Variants in CORO1C observed in about 807,000 individuals in gnomAD.
CORO1C encodes the protein coronin 1C, also known as coronin-1C.
In CORO1C, 14 loss-of-function variants were observed where a neutral mutation model predicts 51.2. The ratio of observed to expected loss-of-function variants is 0.27; its 90% CI spans 0.18 to 0.43. The LOEUF (loss-of-function observed/expected upper bound fraction) is 0.43. Among genes scored for constraint, CORO1C ranks in the 20% least tolerant of loss-of-function variants. CORO1C has a pLI of 1.00. For synonymous variants in CORO1C, 181 were observed against 210.5 expected, an observed-to-expected ratio of 0.86 and a Z score of 1.21; for missense variants, 417 against 607.8, an observed-to-expected ratio of 0.69 and a Z score of 3.30.
intron 3 of CORO1C, among the ~76,000 whole-genome samples, chr12:108,675,885 C>A (rs964959797): frequency 1.3e-5 from 2 of 152,210 alleles, no homozygotes; most frequent in African/African-American, 2.4e-5. Context: ...CAGGTTCCAG[C>A]TGCCAATTTG....
intron 3 of CORO1C, among the ~76,000 whole-genome samples, chr12:108,665,772 G>C (rs2033452559): frequency 6.6e-6 from 1 of 152,220 alleles, no homozygotes; most frequent in Non-Finnish European, 1.5e-5. Flanking sequence ...ACAGTACACA[G>C]CAGGGCTGAG....
rs1386317335 is a variant in CORO1C at position 108,658,794 on chromosome 12, C to T, written c.574G>A (p.Ala192Thr). The T allele has an allele frequency of 5.6e-6, 9 of 1,613,054 alleles. No homozygotes were observed. The highest frequency in any genetic ancestry group is 1.6e-4 in the Middle Eastern group (1 of 6,080). ...ACTCTCACTTTCTTGTCTTTGGAAG[C>T]TGTGCAGATCAGACTGCCATTCCGG... ...WNRNGSLICT[A>T]SKDKKVRVID... Residue 192 changes from alanine to threonine, a missense_variant, in exon 5 of 11, where the codon GCT (alanine) becomes ACT (threonine). Physicochemically the swap from Ala to Thr is moderately conservative, Grantham distance 58 (BLOSUM62 0). Coordinates refer to ENST00000261401, the MANE Select transcript of CORO1C (RefSeq NM_014325.4). The surrounding 1 kb of genome is among the most constrained non-coding windows in gnomAD (Gnocchi z 4.9).
At chr12:108,726,835 G>C (rs2035605326) in intron 1 of CORO1C, among the ~76,000 whole-genome samples, 1 of 152,150 alleles carries the variant, frequency 6.6e-6, no homozygotes, top group African/African-American at 2.4e-5. Context: ...TGAGGAGACT[G>C]TGCGCCAGTC....
chr12:108,662,122 G>C lies in CORO1C; in HGVS notation c.355C>G (p.Leu119Val), dbSNP rs764648940. The C allele has an allele frequency of 1.1e-5, 17 of 1,613,722 alleles. No homozygotes were observed. The highest frequency in any genetic ancestry group is 1.4e-5 in the Non-Finnish European group (16 of 1,179,760). The change falls in exon 4 of 11, where the codon CTG becomes GTG. Residue 119 changes from leucine (L) to valine (V), a missense_variant. Coordinates refer to ENST00000261401, the MANE Select transcript of CORO1C (RefSeq NM_014325.4). ...QIPENGLTLS[L>V]TEPVVILEGH... ...TCCAAAATCACCACAGGTTCAGTCA[G>C]GGAAAGGGTGAGTCCATTTTCTGGG...
At chr12:108,655,089 T>C (rs976555801) in intron 6 of CORO1C, among the ~76,000 whole-genome samples, 1 of 95,692 alleles carries the variant, frequency 1.0e-5, no homozygotes, top group East Asian at 0.013. Flanking sequence ...AACATAAAAA[T>C]CATTCCATCA....
intron 2 of CORO1C, among the ~76,000 whole-genome samples, chr12:108,698,447 G>A (rs911815368): frequency 7.2e-5 from 11 of 152,240 alleles, no homozygotes; most frequent in South Asian, 4.1e-4. Context: ...TCACTCTGTC[G>A]TCCAGGCTGG....
At chr12:108,709,143 T>G (rs1336663563) in intron 1 of CORO1C, among the ~76,000 whole-genome samples, 1 of 152,168 alleles carries the variant, frequency 6.6e-6, no homozygotes, top group Non-Finnish European at 1.5e-5. Flanking sequence ...TATAAACCGC[T>G]GAACTGTACA....
At chr12:108,650,641 T>C (rs1308807996) in intron 8 of CORO1C, among the ~76,000 whole-genome samples, 2 of 152,166 alleles carry the variant, frequency 1.3e-5, no homozygotes, top group Non-Finnish European at 2.9e-5. Context: ...GGATAAAAGT[T>C]ACACCTACCA....
intron 2 of CORO1C, among the ~76,000 whole-genome samples, chr12:108,696,632 GA>G (rs1196450745): frequency 6.6e-6 from 1 of 151,780 alleles, no homozygotes; most frequent in East Asian, 1.9e-4. Context: ...GTTGTGGCAA[GA>G]AAAAAAAGTA....
chr12:108,670,995 A>AAAT (rs1027164565), intron 3 of CORO1C, among the ~76,000 whole-genome samples: 33 of 151,388 alleles, frequency 2.2e-4, no homozygotes, highest in African/African-American at 6.5e-4. Flanking sequence ...GAAAAGAGCA[A>AAAT]AATAATAATA....
At chr12:108,687,961 C>G (rs2034359415) in intron 2 of CORO1C, among the ~76,000 whole-genome samples, 1 of 150,800 alleles carries the variant, frequency 6.6e-6, no homozygotes, top group Non-Finnish European at 1.5e-5. Context: ...ACTCTGTCAC[C>G]CAGGCTGGAG....
chr12:108,691,080 T>C (rs56366996), intron 2 of CORO1C, among the ~76,000 whole-genome samples: 83,938 of 151,068 alleles, frequency 0.56, 24,197 homozygotes, highest in East Asian at 0.99. Context: ...AATAGAAAAA[T>C]ATTACAACTT....
At chr12:108,660,642 C>A (rs2033222495) in intron 4 of CORO1C, among the ~76,000 whole-genome samples, 1 of 152,108 alleles carries the variant, frequency 6.6e-6, no homozygotes, top group Non-Finnish European at 1.5e-5. Context: ...ACGACAATCA[C>A]CCATTCTCCT....
chr12:108,662,309 G>T (rs1458083607), intron 3 of CORO1C, 151 bp from the exon 4 acceptor site: 2 of 702,688 alleles, frequency 2.8e-6, no homozygotes, highest in Non-Finnish European at 4.6e-6. Context: ...AAATGACCGT[G>T]TTAGGCGGTT....
chr12:108,719,863 G>A (rs1180597338), intron 1 of CORO1C, among the ~76,000 whole-genome samples: 2 of 152,150 alleles, frequency 1.3e-5, no homozygotes, highest in African/African-American at 4.8e-5. Context: ...CTTCCATTGG[G>A]ATGTTACTTC....
rs1237014519 is a variant in CORO1C at position 108,652,280 on chromosome 12, C to T, written c.993G>A (p.Glu331=). Residue 331 remains glutamate (E), a synonymous_variant, in exon 8 of 11, where the codon GAG becomes GAA. Transcript: ENST00000261401. The part of the protein sequence containing the change: ...PKRGLDVNKC[E]IARFFKLHER... ...CAATCTCGATTCTTTACCTGGCAAT[C>T]TCACATTTGTTAACATCAAGTCCCC... is the stretch of plus-strand genomic sequence containing the variant. 11 of 1,612,982 alleles carry T rather than the reference C, an allele frequency of 6.8e-6. No individual in the cohort carries two copies. Among genetic ancestry groups the T allele is most frequent in the Non-Finnish European group, 9.3e-6 (11 of 1,179,532 alleles).
intron 1 of CORO1C, among the ~76,000 whole-genome samples, chr12:108,728,155 G>A (rs991915390): frequency 6.6e-6 from 1 of 152,138 alleles, no homozygotes; most frequent in Non-Finnish European, 1.5e-5. Flanking sequence ...TCCTCCAATA[G>A]TTAAATATAG....
intron 6 of CORO1C, among the ~76,000 whole-genome samples, chr12:108,655,322 A>G (rs994181136): frequency 6.6e-6 from 1 of 152,102 alleles, no homozygotes; most frequent in Non-Finnish European, 1.5e-5. Context: ...TAGATTCTTC[A>G]TTCTTTTTAA....
chr12:108,671,102 G>A (rs1468845396), intron 3 of CORO1C, among the ~76,000 whole-genome samples: 1 of 152,160 alleles, frequency 6.6e-6, no homozygotes, highest in Non-Finnish European at 1.5e-5. Context: ...GAAGGCCAAG[G>A]TGGGAGGAAT....
Sources: allele counts gnomAD v4.1 joint callset (sites outside exome capture counted in the v4.1 genomes callset), GRCh38; gene constraint gnomAD v4.1.1; non-coding constraint Gnocchi (gnomAD v3.1); transcripts MANE v1.5; gene names NCBI Gene and HGNC (gene_info 2026-07-23, HGNC 2026-07-21).